CNTNAP4: variants seen among roughly 807,000 people sequenced by gnomAD.
The protein encoded by CNTNAP4 is contactin associated protein family member 4.
In CNTNAP4, 98 loss-of-function variants were observed where a neutral mutation model predicts 148.4. That is an observed-to-expected ratio of 0.66 (90% CI 0.56 to 0.78). The LOEUF (loss-of-function observed/expected upper bound fraction) is 0.78. CNTNAP4 is among the 30% of genes least tolerant of loss of function. The pLI is 0.00. For missense variants in CNTNAP4, 1,935 were observed against 1,565.6 expected, an observed-to-expected ratio of 1.24 and a Z score of -3.98; for synonymous variants, 730 against 565.1, an observed-to-expected ratio of 1.29 and a Z score of -4.14.
At chr16:76,409,161 C>A (rs1205235166) in intron 3 of CNTNAP4, among the ~76,000 whole-genome samples, 1 of 151,722 alleles carries the variant, frequency 6.6e-6, no homozygotes, top group South Asian at 2.1e-4. Context: ...TAAAATAAGC[C>A]CTAATACTGT....
At chr16:76,290,007 T>A (rs550860895) in intron 1 of CNTNAP4, among the ~76,000 whole-genome samples, 1 of 152,342 alleles carries the variant, frequency 6.6e-6, no homozygotes, top group South Asian at 2.1e-4. Flanking sequence ...AAGTTTATAG[T>A]CATAACTTTT....
At chr16:76,411,106 G>T (rs566777287) in intron 3 of CNTNAP4, among the ~76,000 whole-genome samples, 2 of 151,244 alleles carry the variant, frequency 1.3e-5, no homozygotes, top group Admixed American at 6.6e-5. Flanking sequence ...CGTGATGAGG[G>T]TCATCAGTTC....
Position 76,538,238 on chromosome 16 carries a change from G to C in CNTNAP4, c.3118G>C (p.Glu1040Gln). The C allele has an allele frequency of 1.2e-6, 2 of 1,611,616 alleles. No individual in the cohort carries two copies. The highest frequency in any genetic ancestry group is 1.3e-5 in the African/African-American group (1 of 74,968). ...TCATGGTGATATGAAGCTGAGCAGA[G>C]AAATGATCAAATTTAGTTTCCGAAC... ...SFHGDMKLSR[E>Q]MIKFSFRTTR... Residue 1040 changes from glutamate to glutamine, a missense_variant, in exon 19 of 24, where the codon GAA becomes CAA. Transcript: ENST00000611870.
Position 76,558,684 on chromosome 16 carries a change from T to C in CNTNAP4, c.*1T>C, listed in dbSNP as rs1285915999. The C allele has an allele frequency of 6.3e-7, 1 of 1,596,616 alleles. No individual in the cohort carries two copies. The highest frequency in any genetic ancestry group is 8.5e-7 in the Non-Finnish European group (1 of 1,171,438). ...AAATCAGAAAGAGTACTTCTTCTGA[T>C]TGGCAGCTATGATTTAACATAAAAT... On this transcript the variant is annotated 3_prime_UTR_variant, in exon 24 of 24. Transcript: ENST00000611870.
intron 17 of CNTNAP4, among the ~76,000 whole-genome samples, chr16:76,524,357 G>C (rs1035430622): frequency 6.6e-6 from 1 of 152,152 alleles, no homozygotes; most frequent in Non-Finnish European, 1.5e-5. Flanking sequence ...AAAAAAATGA[G>C]AGATGGCCAC....
chr16:76,503,023 C>T (rs527547453), intron 15 of CNTNAP4, among the ~76,000 whole-genome samples: 2 of 152,104 alleles, frequency 1.3e-5, no homozygotes, highest in African/African-American at 4.8e-5. Context: ...GCTTTCTTTT[C>T]GTTTTGTTTT....
intron 3 of CNTNAP4, among the ~76,000 whole-genome samples, chr16:76,384,562 C>A (rs933085198): frequency 6.6e-6 from 1 of 152,060 alleles, no homozygotes; most frequent in South Asian, 2.1e-4. Context: ...TTCATTCTCC[C>A]GCACTTGGAG....
chr16:76,404,768 G>C (rs186342508), intron 3 of CNTNAP4, among the ~76,000 whole-genome samples: 245 of 152,156 alleles, frequency 1.6e-3, no homozygotes, highest in African/African-American at 5.7e-3. Flanking sequence ...CACATTTTGA[G>C]ATCTTCAAAA....
intron 2 of CNTNAP4, among the ~76,000 whole-genome samples, chr16:76,323,830 G>A (rs925640167): frequency 2.0e-5 from 3 of 152,138 alleles, no homozygotes; most frequent in Non-Finnish European, 4.4e-5. Flanking sequence ...AATGCGCCAA[G>A]TAGCTAATCC....
intron 2 of CNTNAP4, among the ~76,000 whole-genome samples, chr16:76,341,512 G>T (rs1964466999): frequency 6.6e-6 from 1 of 152,126 alleles, no homozygotes; most frequent in African/African-American, 2.4e-5. Context: ...TTACTGAAAG[G>T]GAGTAATTAG....
chr16:76,448,997 G>T, intron 6 of CNTNAP4, 46 bp downstream of exon 6: 1 of 1,548,668 alleles, frequency 6.5e-7, no homozygotes, highest in African/African-American at 1.4e-5. Context: ...TTATGTATAT[G>T]TGGTTTAATC....
At position 76,560,543 on chromosome 16, in the gene CNTNAP4, A is replaced by C. The variant is rs889359803; in HGVS notation, c.*1860A>C. ...ATCATTATATCTCTGAATCTTTTGC[A>C]GATGTTCATGTTATTTAGTAGCGGT... On this transcript the variant is annotated 3_prime_UTR_variant, in exon 24 of 24. Transcript: ENST00000611870. Among the ~76,000 whole-genome samples, 4 of 152,188 alleles carry C rather than the reference A, an allele frequency of 2.6e-5. No homozygotes were observed. The highest frequency in any genetic ancestry group is 9.6e-5 in the African/African-American group (4 of 41,466).
intron 1 of CNTNAP4, among the ~76,000 whole-genome samples, chr16:76,279,246 A>T (rs1958595754): frequency 6.6e-6 from 1 of 152,196 alleles, no homozygotes; most frequent in South Asian, 2.1e-4. Flanking sequence ...CACCCCAAGC[A>T]TCCTTCCCTC....
At chr16:76,447,927 C>G (rs35839511) in intron 4 of CNTNAP4, 85 bp from the exon 5 acceptor site, 8 of 982,260 alleles carry the variant, frequency 8.1e-6, no homozygotes, top group Non-Finnish European at 1.3e-5. Context: ...CGTATACTGC[C>G]TTTTCTCAAT....
At chr16:76,519,890 G>A (rs560109724) in intron 15 of CNTNAP4, among the ~76,000 whole-genome samples, 160 of 152,248 alleles carry the variant, frequency 1.1e-3, no homozygotes, top group African/African-American at 3.2e-3. Context: ...AGCATTATTC[G>A]GTCTAGAATT....
At chr16:76,323,847 A>G (rs1962689074) in intron 2 of CNTNAP4, among the ~76,000 whole-genome samples, 3 of 152,128 alleles carry the variant, frequency 2.0e-5, no homozygotes, top group Admixed American at 2.0e-4. Context: ...ATCCTAAGTA[A>G]TGTGTAGTTC....
At chr16:76,288,055 C>T (rs754032309) in intron 1 of CNTNAP4, among the ~76,000 whole-genome samples, 6 of 152,034 alleles carry the variant, frequency 3.9e-5, no homozygotes, top group Non-Finnish European at 8.8e-5. Context: ...ATTGTAATAA[C>T]TCCCACGTGT....
At position 76,332,114 on chromosome 16, in the gene CNTNAP4, C is replaced by G. The variant is rs545712464; in HGVS notation, c.196+15591C>G. Among the ~76,000 whole-genome samples, 62 of 152,230 alleles carry G rather than the reference C, an allele frequency of 4.1e-4. 1 individual carries two copies. In the South Asian group the frequency reaches 0.011, roughly 27 times the overall value. The stretch of plus-strand genomic sequence containing the variant: ...ATAGGTGACATCTTCTGACTTGATG[C>G]TTTTAAGATTTTTTCTTTGTCTTTG... On this transcript the variant is annotated intron_variant, in intron 2 of 23. Transcript: ENST00000611870.
intron 13 of CNTNAP4, among the ~76,000 whole-genome samples, chr16:76,490,728 A>G (rs2082187818): frequency 6.6e-6 from 1 of 152,174 alleles, no homozygotes. Context: ...TTGTCTGTCC[A>G]ACACAGCCTC....
Sources: allele counts gnomAD v4.1 joint callset (sites outside exome capture counted in the v4.1 genomes callset), GRCh38; gene constraint gnomAD v4.1.1; transcripts MANE v1.5; gene names NCBI Gene and HGNC (gene_info 2026-07-23, HGNC 2026-07-21).